TGFB2: variants seen among roughly 807,000 people sequenced by gnomAD.
TGFB2 encodes transforming growth factor beta 2.
A neutral mutation model predicts 42.7 loss-of-function variants in TGFB2; 13 were observed. That is an observed-to-expected ratio of 0.30 (90% confidence interval 0.20 to 0.48). The LOEUF (loss-of-function observed/expected upper bound fraction) is 0.48. TGFB2 is among the 20% of genes least tolerant of loss of function. The probability of loss-of-function intolerance (pLI) is 0.99; values close to 1 mark genes in which losing one functional copy is unlikely to be tolerated. For missense variants in TGFB2, 390 were observed against 517.5 expected, an observed-to-expected ratio of 0.75 and a Z score of 2.39; for synonymous variants, 193 against 193.6, an observed-to-expected ratio of 1.00 and a Z score of 0.03.
At chr1:218,364,667 C>T (rs1657329118) in intron 1 of TGFB2, among the ~76,000 whole-genome samples, 1 of 152,158 alleles carries the variant, frequency 6.6e-6, no homozygotes, top group Non-Finnish European at 1.5e-5. Context: ...CCCTATTCTG[C>T]AATGTATCAT....
Position 218,390,194 on chromosome 1 carries a change from G to T in TGFB2, c.347-14975G>T, listed in dbSNP as rs184178515. Among the ~76,000 whole-genome samples, 63 of 152,098 alleles carry T rather than the reference G, an allele frequency of 4.1e-4. No homozygotes were observed. The East Asian group carries it at 8.9e-3, about 21-fold the overall frequency. On this transcript the variant is annotated intron_variant, in intron 1 of 6. Transcript: ENST00000366930. ...AAAGCATTTGTCGTGCCCCCACCCCGGTCTACACAACCACTAGTGAGAAAA... is the reference window on the plus strand; with the variant it reads ...AAAGCATTTGTCGTGCCCCCACCCCTGTCTACACAACCACTAGTGAGAAAA...
intron 1 of TGFB2, among the ~76,000 whole-genome samples, chr1:218,349,834 A>G (rs2102531079): frequency 6.6e-6 from 1 of 152,358 alleles, no homozygotes; most frequent in Non-Finnish European, 1.5e-5. Context: ...TATGAATAGA[A>G]CTGGCCAGGT....
At chr1:218,419,180 A>G (rs574995204) in intron 2 of TGFB2, among the ~76,000 whole-genome samples, 11 of 151,754 alleles carry the variant, frequency 7.2e-5, no homozygotes, top group African/African-American at 2.7e-4. Flanking sequence ...CCCCTCAGCC[A>G]TAATTTCCCC....
At position 218,441,606 on chromosome 1, in the gene TGFB2, A is replaced by G; in HGVS notation, c.*244A>G. On this transcript the variant is annotated 3_prime_UTR_variant, in exon 7 of 7. Coordinates refer to ENST00000366930, the MANE Select transcript of TGFB2 (RefSeq NM_003238.6). ...ACATTTCACCTACTTTGTAAGTGAG[A>G]GAGACAAGAAGCAAATTTTTTTTAA... 1 of 339,894 alleles carries G rather than the reference A, an allele frequency of 2.9e-6. No individual in the cohort carries two copies. Among genetic ancestry groups the G allele is most frequent in the Non-Finnish European group, 5.3e-6 (1 of 189,756 alleles). 21.1% of individuals were successfully genotyped at this position (339,894 alleles called of 1,614,324 possible). A position where few individuals can be genotyped will look rare whatever the true frequency, so the allele number is the denominator to read the frequency against.
At chr1:218,416,504 A>G (rs1386989747) in intron 2 of TGFB2, among the ~76,000 whole-genome samples, 1 of 152,188 alleles carries the variant, frequency 6.6e-6, no homozygotes, top group Admixed American at 6.5e-5. Context: ...TGCGAAAGGT[A>G]GTGTTGATTT....
intron 1 of TGFB2, among the ~76,000 whole-genome samples, chr1:218,390,117 T>C (rs998213953): frequency 6.6e-6 from 1 of 152,226 alleles, no homozygotes; most frequent in Non-Finnish European, 1.5e-5. Flanking sequence ...AAAGAGGACT[T>C]AGTAAATGCT....
chr1:218,388,800 G>A (rs1040101454), intron 1 of TGFB2, among the ~76,000 whole-genome samples: 2 of 152,168 alleles, frequency 1.3e-5, no homozygotes, highest in Non-Finnish European at 2.9e-5. Context: ...TCATAATGAA[G>A]AGAAAAATCG....
intron 1 of TGFB2, among the ~76,000 whole-genome samples, chr1:218,366,351 G>T (rs1045177648): frequency 1.3e-5 from 2 of 152,018 alleles, no homozygotes; most frequent in African/African-American, 4.8e-5. Flanking sequence ...CTGTTGTCCA[G>T]GCTGGAGTGT....
At chr1:218,392,999 G>C (rs1220422857) in intron 1 of TGFB2, among the ~76,000 whole-genome samples, 1 of 152,326 alleles carries the variant, frequency 6.6e-6, no homozygotes, top group East Asian at 1.9e-4. Flanking sequence ...CCACAAGCAA[G>C]AAGCTTACAG....
chr1:218,403,527 G>A (rs1038760732), intron 1 of TGFB2, among the ~76,000 whole-genome samples: 16 of 152,138 alleles, frequency 1.1e-4, no homozygotes, highest in African/African-American at 3.9e-4. Flanking sequence ...TTTAAGATCG[G>A]CAAGATGGCT....
intron 1 of TGFB2, among the ~76,000 whole-genome samples, chr1:218,381,831 G>A (rs1419055846): frequency 1.3e-5 from 2 of 151,118 alleles, no homozygotes; most frequent in Admixed American, 1.3e-4. Flanking sequence ...GTGTGTGTAG[G>A]GGTGTGTGTG....
chr1:218,413,931 G>A (rs1659185732), intron 2 of TGFB2, among the ~76,000 whole-genome samples: 1 of 152,164 alleles, frequency 6.6e-6, no homozygotes, highest in Non-Finnish European at 1.5e-5. Flanking sequence ...TCAGACTTGA[G>A]GATGATAGGG....
At position 218,371,930 on chromosome 1, in the gene TGFB2, G is replaced by A. The variant is rs544545744; in HGVS notation, c.346+24883G>A. ...CACCAGGGTGATTGTTTAGAGCCAC[G>A]TTCCTACCTGTTGTTTCCGGTGAGC... On this transcript the variant is annotated intron_variant, in intron 1 of 6. Coordinates refer to ENST00000366930, the MANE Select transcript of TGFB2 (RefSeq NM_003238.6). Among the ~76,000 whole-genome samples the A allele has an allele frequency of 5.3e-5, 8 of 152,298 alleles. No individual in the cohort carries two copies. In the East Asian group the frequency reaches 7.7e-4, roughly 15 times the overall value.
At chr1:218,436,198 C>A in intron 5 of TGFB2, 51 bp downstream of exon 5, 1 of 1,578,070 alleles carries the variant, frequency 6.3e-7, no homozygotes, top group Non-Finnish European at 8.6e-7. Flanking sequence ...AACTCTTAAA[C>A]TGCCTTTGCC....
At chr1:218,430,205 C>G (rs1659761976) in intron 2 of TGFB2, among the ~76,000 whole-genome samples, 2 of 151,862 alleles carry the variant, frequency 1.3e-5, no homozygotes, top group Non-Finnish European at 2.9e-5. Context: ...CCAGCCTGGG[C>G]AACATGGCAA....
At chr1:218,369,652 T>A (rs550866575) in intron 1 of TGFB2, among the ~76,000 whole-genome samples, 20 of 152,278 alleles carry the variant, frequency 1.3e-4, no homozygotes, top group African/African-American at 4.6e-4. Context: ...GTACTCGCGG[T>A]GAAGCCTAGT....
At chr1:218,425,948 C>T (rs2102617384) in intron 2 of TGFB2, among the ~76,000 whole-genome samples, 1 of 152,324 alleles carries the variant, frequency 6.6e-6, no homozygotes, top group South Asian at 2.1e-4. Context: ...ATCATTTGTT[C>T]ATCACTACTT....
rs1558248483 is a variant in TGFB2 at position 218,405,293 on chromosome 1, A to G, written c.471A>G (p.Pro157=). Residue 157 remains proline, a synonymous_variant, in exon 2 of 7, where the codon CCA becomes CCG. Transcript: ENST00000366930. ...TCAGAGTCTTTCGTTTGCAGAACCC[A>G]AAAGCCAGAGTGCCTGAACAACGGA... The part of the protein sequence containing the change: ...AEFRVFRLQN[P]KARVPEQRIE... 6.2e-7 allele frequency: 1 copy of G among 1,614,218 alleles called. No homozygotes were observed. Among genetic ancestry groups the G allele is most frequent in the Non-Finnish European group, 8.5e-7 (1 of 1,180,038 alleles).
At chr1:218,348,079 A>AG (rs1656751767) in intron 1 of TGFB2, among the ~76,000 whole-genome samples, 9 of 151,956 alleles carry the variant, frequency 5.9e-5, no homozygotes, top group African/African-American at 2.2e-4. Flanking sequence ...AAAAAAGAAA[A>AG]AAAAGAAAGA....
Sources: gnomAD v4.1 joint callset for allele counts (sites outside exome capture counted in the v4.1 genomes callset) on GRCh38, gnomAD v4.1.1 for gene constraint, MANE v1.5 for transcripts, NCBI Gene and HGNC (gene_info 2026-07-23, HGNC 2026-07-21) for gene names.